The following SREBF1 variants were observed in gnomAD, a reference collection of about 807,000 sequenced individuals.
SREBF1 encodes the protein sterol regulatory element-binding protein 1.
SREBF1 carries 45 observed loss-of-function variants against 100.1 expected under a neutral mutation model. The ratio of observed to expected loss-of-function variants is 0.45; its 90% CI spans 0.35 to 0.58. The LOEUF (loss-of-function observed/expected upper bound fraction) is 0.58. Among genes scored for constraint, SREBF1 ranks in the 20% least tolerant of loss-of-function variants. SREBF1 has a pLI of 0.00. For missense variants in SREBF1, 1,324 were observed against 1,539.4 expected, an observed-to-expected ratio of 0.86 and a Z score of 2.34; for synonymous variants, 657 against 681.8, an observed-to-expected ratio of 0.96 and a Z score of 0.57.
intron 1 of SREBF1, among the ~76,000 whole-genome samples, chr17:17,834,027 CAGAGAGAGAG>C (rs58189290): frequency 6.8e-6 from 1 of 148,010 alleles, no homozygotes; most frequent in Non-Finnish European, 1.5e-5. Context: ...TATAAACACA[CAGAGAGAGAG>C]AGAGAGAGAG....
In SREBF1 at chr17:17,816,700, C is replaced by A; in HGVS notation, c.1804G>T (p.Ala602Ser). 1 of 1,581,372 alleles carries A rather than the reference C, an allele frequency of 6.3e-7. No homozygotes were observed. Reference sequence around the variant, plus strand: ...CGCAGGGCCAGCCACAGCTGCTGGGCAGCCTGGGCAAAGTCTCCCTGTGGA... The same window carrying A: ...CGCAGGGCCAGCCACAGCTGCTGGGAAGCCTGGGCAAAGTCTCCCTGTGGA... ...DLARGDFAQA[A>S]QQLWLALRAL... is the part of the protein sequence containing the mutation. Residue 602 changes from alanine (A) to serine (S), a missense_variant, in exon 10 of 19, where the codon GCC becomes TCC. Physicochemically the swap from Ala to Ser is moderately conservative, Grantham distance 99 (BLOSUM62 1). Coordinates refer to ENST00000261646, the MANE Select transcript of SREBF1 (RefSeq NM_004176.5).
chr17:17,818,760 T>G, intron 5 of SREBF1: 1 of 592,892 alleles, frequency 1.7e-6, no homozygotes. Flanking sequence ...GAAGGTCGGC[T>G]CTTCTTTGAG....
intron 1 of SREBF1, among the ~76,000 whole-genome samples, chr17:17,829,208 ATATAT>A (rs1567989719): frequency 0.013 from 1,205 of 95,402 alleles, 86 homozygotes; most frequent in African/African-American, 0.065. Flanking sequence ...AAAAAAAAAT[ATATAT>A]ATATATATAT....
Position 17,811,792 on chromosome 17 carries a change from G to A in SREBF1, c.*830C>T, listed in dbSNP as rs1326116327. The A allele has an allele frequency of 1.3e-5, 6 of 453,942 alleles. No individual in the cohort carries two copies. Among genetic ancestry groups the A allele is most frequent in the Non-Finnish European group, 2.2e-5 (5 of 225,952 alleles). The allele number at this position is 453,942 out of a possible 1,614,324, so 28.1% of individuals were successfully genotyped here. On this transcript the variant is annotated 3_prime_UTR_variant, in exon 19 of 19. Transcript: ENST00000261646. ...CCCGTGCCACCCAGGGACCTGATGG[G>A]GACAGAGCTGGGAGGTGAGAAGGGA...
chr17:17,817,682 T>C lies in SREBF1; in HGVS notation c.1404+14A>G, dbSNP rs561839171. Reference sequence around the variant, plus strand: ...GCTGGGAGTGGGGAAGGGGGCACCGTGGCAGGGCCCAACCTTGCTGTCCTC... The same window carrying C: ...GCTGGGAGTGGGGAAGGGGGCACCGCGGCAGGGCCCAACCTTGCTGTCCTC... On this transcript the variant is annotated intron_variant, in intron 7 of 18. Coordinates refer to ENST00000261646, the MANE Select transcript of SREBF1 (RefSeq NM_004176.5). The surrounding 1 kb of genome is among the most constrained non-coding windows in gnomAD (Gnocchi z 6.6). The C allele has an allele frequency of 1.2e-6, 2 of 1,612,694 alleles. No homozygotes were observed. Among genetic ancestry groups the C allele is most frequent in the South Asian group, 2.2e-5 (2 of 91,058 alleles).
chr17:17,813,018 A>G (rs908116211), intron 18 of SREBF1, 167 bp from the exon 19 acceptor site: 3 of 635,268 alleles, frequency 4.7e-6, no homozygotes, highest in Non-Finnish European at 8.1e-6. Context: ...GCCCACACAC[A>G]AAGTCCACAG....
intron 1 of SREBF1, among the ~76,000 whole-genome samples, chr17:17,834,892 T>C (rs943891625): frequency 5.3e-5 from 8 of 152,172 alleles, no homozygotes; most frequent in African/African-American, 1.9e-4. Context: ...CTGGCGCCTG[T>C]AGTCCCAGCT....
Position 17,815,360 on chromosome 17 carries a change from G to A in SREBF1, c.2384-31C>T, listed in dbSNP as rs201248028. On this transcript the variant is annotated intron_variant, in intron 12 of 18. Transcript: ENST00000261646. ...GAGAGGAGGAGGTGAGTGGGGTGGG[G>A]AGCAGGGCCCCACCCTCCTCTCCAA... 1.7e-4 allele frequency: 262 copies of A among 1,577,334 alleles called. No homozygotes were observed. The East Asian group carries it at 5.1e-3, about 30-fold the overall frequency.
chr17:17,812,951 G>T lies in SREBF1; in HGVS notation c.3215-100C>A. 19 of 1,145,838 alleles carry T rather than the reference G, an allele frequency of 1.7e-5. No individual in the cohort carries two copies. The South Asian group carries it at 2.6e-4, about 16-fold the overall frequency. The allele number at this position is 1,145,838 out of a possible 1,614,324, so 71.0% of individuals were successfully genotyped here. On this transcript the variant is annotated intron_variant, in intron 18 of 18. Transcript: ENST00000261646. ...GCCACGGCACCAGCCGCCTGTACCT[G>T]GCACACAGGTACCTGGCGGGGGCCT...
In SREBF1 at chr17:17,819,412, G is replaced by A. The variant is rs114130125; in HGVS notation, c.754C>T (p.Leu252=). 239 of 1,613,850 alleles carry A rather than the reference G, an allele frequency of 1.5e-4. No homozygotes were observed. The highest frequency in any genetic ancestry group is 1.9e-4 in the Non-Finnish European group (228 of 1,180,040). Residue 252 remains leucine (L), a synonymous_variant, in exon 4 of 19, where the codon CTG becomes TTG. Coordinates refer to ENST00000261646, the MANE Select transcript of SREBF1 (RefSeq NM_004176.5). The part of the protein sequence containing the change: ...PHFIKADSLL[L]TAMKTDGATV... ...GCTCCGTCTGTCTTCATGGCTGTCA[G>A]AAGCAGCGAGTCTGCCTTGATGAAG...
intron 1 of SREBF1, among the ~76,000 whole-genome samples, chr17:17,825,933 C>T (rs566498131): frequency 9.2e-5 from 14 of 152,250 alleles, no homozygotes; most frequent in African/African-American, 3.4e-4. Context: ...AGCTGGTCAC[C>T]AGGTTAAGAC....
chr17:17,815,291 G>T lies in SREBF1; in HGVS notation c.2422C>A (p.His808Asn), dbSNP rs2033435322. 6.2e-7 allele frequency: 1 copy of T among 1,613,552 alleles called. No individual in the cohort carries two copies. Among genetic ancestry groups the T allele is most frequent in the Admixed American group, 1.7e-5 (1 of 60,000 alleles). The change falls in exon 13 of 19, where the codon CAT becomes AAT. Residue 808 changes from histidine to asparagine, a missense_variant. Physicochemically the swap from His to Asn is moderately conservative, Grantham distance 68. Transcript: ENST00000261646. ...LAQVTQLFREHLLERALNCVT... is the reference protein window; with the variant it reads ...LAQVTQLFRENLLERALNCVT... Reference sequence around the variant, plus strand: ...CAGTTCAGTGCTCGCTCTAAGAGATGTTCCCGGAATAGCTGAGTCACCTGG... The same window carrying T: ...CAGTTCAGTGCTCGCTCTAAGAGATTTTCCCGGAATAGCTGAGTCACCTGG...
At chr17:17,830,402 A>G (rs545168057) in intron 1 of SREBF1, among the ~76,000 whole-genome samples, 2 of 152,312 alleles carry the variant, frequency 1.3e-5, no homozygotes, top group South Asian at 4.1e-4. Context: ...TTAAGCCTTC[A>G]CTCATCGGAT....
chr17:17,829,205 A>AAAATATATATAT (rs1210718799), intron 1 of SREBF1, among the ~76,000 whole-genome samples: 1 of 65,848 alleles, frequency 1.5e-5, no homozygotes, highest in African/African-American at 8.8e-5. Flanking sequence ...AAAAAAAAAA[A>AAAATATATATAT]ATATATATAT....
At position 17,818,285 on chromosome 17, in the gene SREBF1, ACTTAGGTTCTCCTG is replaced by A; in HGVS notation, c.1144_1157del (p.Gln382SerfsTer34). On this transcript the variant is annotated frameshift_variant, in exon 6 of 19. Coordinates refer to ENST00000261646, the MANE Select transcript of SREBF1 (RefSeq NM_004176.5). LOFTEE classifies it high-confidence loss of function. ...TGCTTTTGTGGACAGCAGTGCGCAGACTTAGGTTCTCCTGCTTGAGTTTCTGGTTGCTGTGTTGC... is the reference window on the plus strand; with the variant it reads ...TGCTTTTGTGGACAGCAGTGCGCAGACTTGAGTTTCTGGTTGCTGTGTTGC... 2 of 1,613,972 alleles carry A rather than the reference ACTTAGGTTCTCCTG, an allele frequency of 1.2e-6. No individual in the cohort carries two copies. The highest frequency in any genetic ancestry group is 1.7e-6 in the Non-Finnish European group (2 of 1,180,024).
chr17:17,815,757 G>A, intron 12 of SREBF1, 103 bp downstream of exon 12: 1 of 1,271,340 alleles, frequency 7.9e-7, no homozygotes, highest in South Asian at 1.3e-5. Flanking sequence ...GCAGGGAGAA[G>A]GACTGGGGTG....
intron 1 of SREBF1, among the ~76,000 whole-genome samples, chr17:17,828,158 C>T (rs1037589178): frequency 6.6e-6 from 1 of 152,250 alleles, no homozygotes; most frequent in Non-Finnish European, 1.5e-5. Flanking sequence ...CCCCCATCCC[C>T]TAACTGGTGT....
At chr17:17,832,391 G>A (rs751876106) in intron 1 of SREBF1, among the ~76,000 whole-genome samples, 65 of 152,046 alleles carry the variant, frequency 4.3e-4, no homozygotes, top group Non-Finnish European at 2.2e-4. Context: ...TCTGACCCCC[G>A]ACTGTCCTCA....
At position 17,836,872 on chromosome 17, in the gene SREBF1, T is replaced by G; in HGVS notation, c.-55A>C. 1 of 1,437,948 alleles carries G rather than the reference T, an allele frequency of 7.0e-7. No individual in the cohort carries two copies. The highest frequency in any genetic ancestry group is 2.3e-4 in the Middle Eastern group (1 of 4,440). The allele number at this position is 1,437,948 out of a possible 1,614,324, so 89.1% of individuals were successfully genotyped here. ...CGGGCCCGCCGCCTCGTACGGCCCT[T>G]CCTAGGGAGCGCCGCCGCGGCCCCG... On this transcript the variant is annotated 5_prime_UTR_variant, in exon 1 of 19. Coordinates refer to ENST00000261646, the MANE Select transcript of SREBF1 (RefSeq NM_004176.5).
Sources: allele counts gnomAD v4.1 joint callset (sites outside exome capture counted in the v4.1 genomes callset), GRCh38; gene constraint gnomAD v4.1.1; non-coding constraint Gnocchi (gnomAD v3.1); transcripts MANE v1.5; gene names NCBI Gene and HGNC (gene_info 2026-07-23, HGNC 2026-07-21).